Variants in KIF13A observed in about 807,000 individuals in gnomAD.
KIF13A encodes kinesin family member 13A.
A neutral mutation model predicts 212.2 loss-of-function variants in KIF13A; 79 were observed. The observed-to-expected ratio is 0.37, with a 90% CI of 0.31 to 0.45. KIF13A has a LOEUF of 0.45. KIF13A is among the 20% of genes least tolerant of loss of function. The pLI, the probability that KIF13A is intolerant of heterozygous loss-of-function variation, is 1.00. For synonymous variants in KIF13A, 789 were observed against 808.6 expected (o/e 0.98, Z 0.41); for missense variants, 1,901 against 2,209.0 (o/e 0.86, Z 2.79).
chr6:17,916,585 A>T (rs539893615), intron 2 of KIF13A, among the ~76,000 whole-genome samples: 91 of 152,358 alleles, frequency 6.0e-4, no homozygotes, highest in Non-Finnish European at 9.3e-4. Context: ...AGTTAAAAAG[A>T]AACAAATCTT....
chr6:17,952,559 C>T (rs905079217), intron 2 of KIF13A, among the ~76,000 whole-genome samples: 2 of 151,738 alleles, frequency 1.3e-5, no homozygotes, highest in Non-Finnish European at 2.9e-5. Flanking sequence ...ATCCCTTGAG[C>T]CCAGGAGTTT....
At chr6:17,876,082 A>G (rs369282288) in intron 3 of KIF13A, among the ~76,000 whole-genome samples, 17 of 152,334 alleles carry the variant, frequency 1.1e-4, no homozygotes, top group African/African-American at 3.8e-4. Context: ...ACTTATTAAC[A>G]TGCCTTGGAA....
intron 2 of KIF13A, among the ~76,000 whole-genome samples, chr6:17,958,092 A>G (rs1778502445): frequency 6.6e-6 from 1 of 152,192 alleles, no homozygotes; most frequent in Admixed American, 6.5e-5. Context: ...ACAGAAATAA[A>G]AAGCTTCTCA....
intron 28 of KIF13A, among the ~76,000 whole-genome samples, chr6:17,784,207 G>C (rs1157119913): frequency 6.6e-6 from 1 of 152,110 alleles, no homozygotes; most frequent in African/African-American, 2.4e-5. Flanking sequence ...ATGGTTTGAG[G>C]ACTGGAGTTC....
chr6:17,771,268 C>A lies in KIF13A; in HGVS notation c.4477-50G>T, dbSNP rs1212550602. Reference sequence around the variant, plus strand: ...GCATCACACACAAAGACGACAACGGCCAAAATACATATTAAGTACATGCAA... The same window carrying A: ...GCATCACACACAAAGACGACAACGGACAAAATACATATTAAGTACATGCAA... On this transcript the variant is annotated intron_variant, in intron 37 of 38. Transcript: ENST00000259711. The surrounding 1 kb of genome is among the most constrained non-coding windows in gnomAD (Gnocchi z 5.4). The A allele has an allele frequency of 8.5e-7, 1 of 1,171,654 alleles. No individual in the cohort carries two copies. The highest frequency in any genetic ancestry group is 1.3e-6 in the Non-Finnish European group (1 of 792,306). The allele number at this position is 1,171,654 out of a possible 1,614,324, so 72.6% of individuals were successfully genotyped here.
intron 3 of KIF13A, among the ~76,000 whole-genome samples, chr6:17,880,799 T>C (rs564679311): frequency 6.6e-6 from 1 of 152,144 alleles, no homozygotes; most frequent in East Asian, 1.9e-4. Context: ...TTTGCTGTTG[T>C]TGCAAAGATG....
intron 18 of KIF13A, among the ~76,000 whole-genome samples, chr6:17,807,515 G>A (rs141847662): frequency 0.035 from 5,397 of 152,064 alleles, 124 homozygotes; most frequent in Middle Eastern, 0.095. Flanking sequence ...CTCTGCTCTC[G>A]AACCCTGTTT....
chr6:17,867,739 T>C (rs549527025), intron 4 of KIF13A, among the ~76,000 whole-genome samples: 104 of 152,312 alleles, frequency 6.8e-4, no homozygotes, highest in African/African-American at 2.3e-3. Flanking sequence ...CTAGAACAAA[T>C]TAATATTGTA....
In KIF13A at chr6:17,799,311, T is replaced by C. The variant is rs757850900; in HGVS notation, c.2745A>G (p.Pro915=). The change falls in exon 22 of 39, where the codon CCA becomes CCG. Residue 915 remains proline, a synonymous_variant. Coordinates refer to ENST00000259711, the MANE Select transcript of KIF13A (RefSeq NM_022113.6). This position sits in a 1 kb window ranked among gnomAD's most constrained non-coding sequence, Gnocchi z 4.4. ...APVVDPEVPS[P]QSKDAQYTVT... The stretch of plus-strand genomic sequence containing the variant: ...CTGTGTACTGGGCATCCTTGGACTG[T>C]GGTGAAGGCACCTCGGGGTCCACCA... 2 of 1,613,564 alleles carry C rather than the reference T, an allele frequency of 1.2e-6. No homozygotes were observed. The highest frequency in any genetic ancestry group is 1.7e-6 in the Non-Finnish European group (2 of 1,179,706).
intron 2 of KIF13A, among the ~76,000 whole-genome samples, chr6:17,975,239 G>A (rs1780233918): frequency 1.3e-5 from 2 of 152,192 alleles, no homozygotes; most frequent in African/African-American, 2.4e-5. Context: ...TGTAATCCCA[G>A]CTACTCGGAA....
In KIF13A at chr6:17,947,623, G is replaced by GT. The variant is rs1391745118; in HGVS notation, c.146+39430dup. 6.6e-6 allele frequency among the ~76,000 whole-genome samples: 1 copy of GT among 152,126 alleles called. No individual in the cohort carries two copies. Among genetic ancestry groups the GT allele is most frequent in the African/African-American group, 2.4e-5 (1 of 41,424 alleles). On this transcript the variant is annotated intron_variant, in intron 2 of 38. Coordinates refer to ENST00000259711, the MANE Select transcript of KIF13A (RefSeq NM_022113.6). The surrounding 1 kb of genome is among the most constrained non-coding windows in gnomAD (Gnocchi z 4.6). The stretch of plus-strand genomic sequence containing the variant: ...GTGGGTGGATCACCTGAGGTCAGGA[G>GT]TTTGAGACCAGCCGACCAGCCTGGG...
rs765896463 is a variant in KIF13A, at chr6:17,764,350, G to A, written c.5178C>T (p.Thr1726=). 1 of 1,613,942 alleles carries A rather than the reference G, an allele frequency of 6.2e-7. No individual in the cohort carries two copies. The highest frequency in any genetic ancestry group is 1.1e-5 in the South Asian group (1 of 91,078). The change falls in exon 39 of 39, where the codon ACC becomes ACT. Residue 1726 remains threonine, a synonymous_variant. Coordinates refer to ENST00000259711, the MANE Select transcript of KIF13A (RefSeq NM_022113.6). The surrounding 1 kb of genome is among the most constrained non-coding windows in gnomAD (Gnocchi z 5.1). The stretch of plus-strand genomic sequence containing the variant: ...AAGAATGGTCTTCAAGGATGTTGGT[G>A]GTGTGTTCTACCGTCACCTCCCTGG... ...FCPREVTVEH[T]TNILEDHSFT... is the part of the protein sequence containing the mutation.
intron 2 of KIF13A, among the ~76,000 whole-genome samples, chr6:17,920,452 C>T (rs978954603): frequency 9.9e-5 from 15 of 152,276 alleles, no homozygotes; most frequent in African/African-American, 3.6e-4. Context: ...AAATTTTGGT[C>T]TGGGCCTTTT....
intron 4 of KIF13A, among the ~76,000 whole-genome samples, chr6:17,868,442 C>A (rs1156441630): frequency 6.6e-6 from 1 of 152,026 alleles, no homozygotes; most frequent in African/African-American, 2.4e-5. Context: ...AACTTATAAT[C>A]TTAAATGTGG....
chr6:17,960,674 C>T (rs377553953), intron 2 of KIF13A, among the ~76,000 whole-genome samples: 1 of 151,972 alleles, frequency 6.6e-6, no homozygotes, highest in Admixed American at 6.6e-5. Flanking sequence ...TTAAGTTGAT[C>T]CAAAGGGACC....
chr6:17,955,655 T>C (rs915710377), intron 2 of KIF13A, among the ~76,000 whole-genome samples: 3 of 152,174 alleles, frequency 2.0e-5, no homozygotes, highest in South Asian at 2.1e-4. Flanking sequence ...ATTTGGTTGT[T>C]TGGATGAGAT....
At chr6:17,978,034 G>C (rs922291877) in intron 2 of KIF13A, among the ~76,000 whole-genome samples, 10 of 152,178 alleles carry the variant, frequency 6.6e-5, no homozygotes, top group Non-Finnish European at 1.3e-4. Context: ...AGTCCTACTT[G>C]ATCAATGACT....
chr6:17,977,119 A>C (rs1215252442), intron 2 of KIF13A, among the ~76,000 whole-genome samples: 8 of 132,858 alleles, frequency 6.0e-5, no homozygotes, highest in East Asian at 5.9e-4. Context: ...AACAACAAAA[A>C]AAAAAAAAAA....
chr6:17,948,557 C>CTTTTTTTTTTTTTTTTTTTTT (rs71002289), intron 2 of KIF13A, among the ~76,000 whole-genome samples: 3 of 84,148 alleles, frequency 3.6e-5, no homozygotes, highest in Non-Finnish European at 4.2e-5. Flanking sequence ...CATCCATTTA[C>CTTTTTTTTTTTTTTTTTTTTT]TTTTTTTTTT....
Sources: allele counts gnomAD v4.1 joint callset (sites outside exome capture counted in the v4.1 genomes callset), GRCh38; gene constraint gnomAD v4.1.1; non-coding constraint Gnocchi (gnomAD v3.1); transcripts MANE v1.5; gene names NCBI Gene and HGNC (gene_info 2026-07-23, HGNC 2026-07-21).